EMCN: variants seen among roughly 807,000 people sequenced by gnomAD.
The protein encoded by EMCN is MUC-14.
In EMCN, 37 loss-of-function variants were observed where a neutral mutation model predicts 38.4. The ratio of observed to expected loss-of-function variants is 0.96; its 90% CI spans 0.74 to 1.27. The LOEUF is 1.27. Among genes scored for constraint, EMCN ranks in the 50% most tolerant of loss-of-function variants. EMCN has a pLI of 0.00. For synonymous variants in EMCN, 95 were observed against 100.8 expected, an observed-to-expected ratio of 0.94 and a Z score of 0.35; for missense variants, 318 against 302.8, an observed-to-expected ratio of 1.05 and a Z score of -0.37.
chr4:100,430,429 G>A (rs1013910809), intron 5 of EMCN, among the ~76,000 whole-genome samples: 2 of 152,102 alleles, frequency 1.3e-5, no homozygotes, highest in African/African-American at 2.4e-5. Context: ...AATCAAAAAG[G>A]CATTTTTTCT....
intron 8 of EMCN, 64 bp from the exon 9 acceptor site, chr4:100,417,205 C>G: frequency 7.5e-7 from 1 of 1,331,594 alleles, no homozygotes; most frequent in Non-Finnish European, 1.1e-6. Context: ...TATGAGCAAG[C>G]CCCTCTAACC....
intron 11 of EMCN, among the ~76,000 whole-genome samples, chr4:100,402,351 T>C (rs571778119): frequency 1.3e-5 from 2 of 152,302 alleles, no homozygotes; most frequent in East Asian, 3.9e-4. Context: ...TCTGTATTAC[T>C]GTTTGCTGTT....
chr4:100,444,009 AC>A (rs1727594257), intron 5 of EMCN, among the ~76,000 whole-genome samples: 1 of 152,082 alleles, frequency 6.6e-6, no homozygotes, highest in Admixed American at 6.5e-5. Flanking sequence ...ACATATCACT[AC>A]CCCAGGCTCT....
chr4:100,466,782 A>G (rs1179894786), intron 3 of EMCN, among the ~76,000 whole-genome samples: 1 of 152,238 alleles, frequency 6.6e-6, no homozygotes, highest in Non-Finnish European at 1.5e-5. Context: ...ACATTTGAGG[A>G]TGGAGGAACT....
rs552865858 is a variant in EMCN at position 100,453,614 on chromosome 4, C to T, written c.377-6043G>A. The stretch of plus-strand genomic sequence containing the variant: ...TCAACCACTGTGGAAGTCAGTGTGG[C>T]GATTCCTCAGGGATCTAGAACTAGA... On this transcript the variant is annotated intron_variant, in intron 4 of 11. Coordinates refer to ENST00000296420, the MANE Select transcript of EMCN (RefSeq NM_016242.4). 7.0e-3 allele frequency among the ~76,000 whole-genome samples: 1,069 copies of T among 151,946 alleles called. 4 individuals are homozygous for T. Among genetic ancestry groups the T allele is most frequent in the Non-Finnish European group, 0.013 (897 of 67,926 alleles).
Position 100,512,806 on chromosome 4 carries a change from CAA to C in EMCN, c.64+5043_64+5044del, listed in dbSNP as rs201517827. On this transcript the variant is annotated intron_variant, in intron 1 of 11. Coordinates refer to ENST00000296420, the MANE Select transcript of EMCN (RefSeq NM_016242.4). The stretch of plus-strand genomic sequence containing the variant: ...GGGCAACAAGAGCAAAACTCCATCT[CAA>C]AAAAAAAAAAAAAAAATTCCTACTC... 2.9e-3 allele frequency among the ~76,000 whole-genome samples: 240 copies of C among 83,402 alleles called. 2 individuals carry two copies. Among genetic ancestry groups the C allele is most frequent in the African/African-American group, 8.5e-3 (181 of 21,398 alleles). 54.7% of individuals were successfully genotyped at this position (83,402 alleles called of 152,430 possible). A position where few individuals can be genotyped will look rare whatever the true frequency, so the allele number is the denominator to read the frequency against.
At chr4:100,459,823 A>G (rs1728126677) in intron 4 of EMCN, among the ~76,000 whole-genome samples, 1 of 152,102 alleles carries the variant, frequency 6.6e-6, no homozygotes, top group Non-Finnish European at 1.5e-5. Flanking sequence ...TTACCTCTTC[A>G]TCTGTTAATG....
chr4:100,462,211 C>G (rs184538220), intron 4 of EMCN, among the ~76,000 whole-genome samples: 1 of 152,040 alleles, frequency 6.6e-6, no homozygotes, highest in African/African-American at 2.4e-5. Context: ...ACAGTAAATA[C>G]GCTTATTTCA....
chr4:100,457,071 G>GC (rs1553929683), intron 4 of EMCN, among the ~76,000 whole-genome samples: 1 of 151,054 alleles, frequency 6.6e-6, no homozygotes, highest in Non-Finnish European at 1.5e-5. Context: ...TTTCGATTTA[G>GC]TTTTTTTTGC....
intron 5 of EMCN, among the ~76,000 whole-genome samples, chr4:100,445,133 G>A (rs767434297): frequency 2.0e-5 from 3 of 152,100 alleles, no homozygotes; most frequent in Non-Finnish European, 4.4e-5. Flanking sequence ...CTGTTCTCCA[G>A]AGCTTTCCTT....
chr4:100,437,340 C>T (rs1017890390), intron 5 of EMCN, among the ~76,000 whole-genome samples: 47 of 151,954 alleles, frequency 3.1e-4, no homozygotes, highest in African/African-American at 1.1e-3. Context: ...TATTTTTCCC[C>T]AATTTGTAGC....
chr4:100,462,559 C>G (rs544194114), intron 4 of EMCN, among the ~76,000 whole-genome samples: 43 of 152,250 alleles, frequency 2.8e-4, no homozygotes, highest in African/African-American at 1.0e-3. Context: ...AGCTGCTATA[C>G]ACTTTGCAGA....
At chr4:100,502,364 T>C (rs989906256) in intron 1 of EMCN, among the ~76,000 whole-genome samples, 2 of 152,220 alleles carry the variant, frequency 1.3e-5, no homozygotes, top group African/African-American at 2.4e-5. Context: ...CATTTACCTA[T>C]GCAAGCTTGC....
At chr4:100,466,456 A>G (rs1728319074) in intron 3 of EMCN, among the ~76,000 whole-genome samples, 1 of 152,232 alleles carries the variant, frequency 6.6e-6, no homozygotes, top group Non-Finnish European at 1.5e-5. Context: ...GCAGTTGAGG[A>G]AGTCATGCTG....
At chr4:100,421,690 A>G (rs1405232764) in intron 7 of EMCN, among the ~76,000 whole-genome samples, 1 of 152,054 alleles carries the variant, frequency 6.6e-6, no homozygotes, top group Non-Finnish European at 1.5e-5. Flanking sequence ...ACTCTAGATT[A>G]TAATTAAATC....
intron 3 of EMCN, among the ~76,000 whole-genome samples, chr4:100,466,328 G>C (rs2110264419): frequency 6.6e-6 from 1 of 152,340 alleles, no homozygotes; most frequent in Non-Finnish European, 1.5e-5. Flanking sequence ...GGGGAAAGCA[G>C]TTTAGTAGAT....
At chr4:100,515,546 T>C (rs1161897429) in intron 1 of EMCN, among the ~76,000 whole-genome samples, 1 of 151,932 alleles carries the variant, frequency 6.6e-6, no homozygotes. Context: ...GACAAAAACA[T>C]CAGAAGAAAA....
Position 100,423,389 on chromosome 4 carries a change from G to T in EMCN, c.431C>A (p.Pro144Gln), listed in dbSNP as rs780057026. The T allele has an allele frequency of 2.5e-6, 4 of 1,611,724 alleles. No individual in the cohort carries two copies. The highest frequency in any genetic ancestry group is 3.4e-6 in the Non-Finnish European group (4 of 1,178,158). Residue 144 changes from proline to glutamine, a missense_variant, in exon 6 of 12, where the codon CCA becomes CAA. By Grantham distance (76) the Pro-to-Gln change is moderately conservative (BLOSUM62 -1). Transcript: ENST00000296420. ...ACCAGTTTTAGAAGGTGATGCATCT[G>T]GTTGTAGAACACTACCTGTATGAAA... is the stretch of plus-strand genomic sequence containing the variant. ...TTEIPGSVLQ[P>Q]DASPSKTGTL...
chr4:100,469,640 C>G lies in EMCN; in HGVS notation c.260-4101G>C, dbSNP rs1434077175. On this transcript the variant is annotated intron_variant, in intron 3 of 11. Coordinates refer to ENST00000296420, the MANE Select transcript of EMCN (RefSeq NM_016242.4). ...AAAGAAGGGGTACAGTTTTAATCTT[C>G]TGCATATGGCTAGCCAATTATTCCA... Among the ~76,000 whole-genome samples, 18 of 61,320 alleles carry G rather than the reference C, an allele frequency of 2.9e-4. 2 individuals are homozygous for G. The highest frequency in any genetic ancestry group is 2.3e-3 in the South Asian group (4 of 1,760). 40.2% of individuals were successfully genotyped at this position (61,320 alleles called of 152,430 possible).
Sources: allele counts gnomAD v4.1 joint callset (sites outside exome capture counted in the v4.1 genomes callset), GRCh38; gene constraint gnomAD v4.1.1; transcripts MANE v1.5; gene names NCBI Gene and HGNC (gene_info 2026-07-23, HGNC 2026-07-21).